AIG1: variants seen among roughly 807,000 people sequenced by gnomAD.
AIG1 encodes the protein androgen-induced gene 1 protein.
In AIG1, 23 loss-of-function variants were observed where a neutral mutation model predicts 31.4. The ratio of observed to expected loss-of-function variants is 0.73; its 90% CI spans 0.53 to 1.04. The LOEUF (loss-of-function observed/expected upper bound fraction) is 1.04, where lower values mean the gene tolerates loss of function less well. Ranked by LOEUF, AIG1 falls within the 50% of genes least tolerant of loss-of-function variation. The pLI is 0.00. For synonymous variants in AIG1, 100 were observed against 110.5 expected (o/e 0.90, Z 0.60); for missense variants, 274 against 295.0 (o/e 0.93, Z 0.52).
At chr6:143,063,099 G>A (rs3804526) in intron 1 of AIG1, among the ~76,000 whole-genome samples, 30,827 of 152,128 alleles carry the variant, frequency 0.2, 3,999 homozygotes, top group East Asian at 0.46. Context: ...ACTGTGCATT[G>A]AAAAACAAGG....
At chr6:143,148,921 G>A (rs574064810) in intron 2 of AIG1, among the ~76,000 whole-genome samples, 47 of 152,164 alleles carry the variant, frequency 3.1e-4, no homozygotes, top group African/African-American at 9.9e-4. Flanking sequence ...TTGTGTTGCC[G>A]TTGCCTGTGG....
intron 3 of AIG1, among the ~76,000 whole-genome samples, chr6:143,215,625 AT>A (rs997751182): frequency 6.6e-6 from 1 of 152,100 alleles, no homozygotes; most frequent in African/African-American, 2.4e-5. Flanking sequence ...GATTTGAGAT[AT>A]TTAGATATGG....
intron 1 of AIG1, among the ~76,000 whole-genome samples, chr6:143,082,412 A>C (rs1253182439): frequency 6.6e-6 from 1 of 152,080 alleles, no homozygotes; most frequent in Non-Finnish European, 1.5e-5. Context: ...GTTATGTTCT[A>C]TTTTTTCTTC....
intron 2 of AIG1, among the ~76,000 whole-genome samples, chr6:143,159,393 A>G (rs1429623056): frequency 2.0e-5 from 3 of 152,254 alleles, no homozygotes; most frequent in African/African-American, 7.2e-5. Context: ...ATCTAGGCAA[A>G]TATGGATAAA....
chr6:143,156,109 GC>G (rs757242169), intron 2 of AIG1, among the ~76,000 whole-genome samples: 6 of 152,158 alleles, frequency 3.9e-5, no homozygotes, highest in Non-Finnish European at 8.8e-5. Context: ...AGATCCTGGA[GC>G]ATCTCTCCTA....
At chr6:143,244,759 A>G (rs1223556084) in intron 3 of AIG1, among the ~76,000 whole-genome samples, 1 of 152,188 alleles carries the variant, frequency 6.6e-6, no homozygotes, top group Non-Finnish European at 1.5e-5. Flanking sequence ...GTGTCTTATC[A>G]GGTGTTTTGT....
At chr6:143,302,380 C>T (rs184364686) in intron 4 of AIG1, among the ~76,000 whole-genome samples, 4 of 151,662 alleles carry the variant, frequency 2.6e-5, no homozygotes, top group Admixed American at 6.6e-5. Context: ...CCACTCCCCC[C>T]GACCCCACAA....
At chr6:143,266,315 C>G (rs1796148819) in intron 3 of AIG1, among the ~76,000 whole-genome samples, 1 of 130,870 alleles carries the variant, frequency 7.6e-6, no homozygotes, top group Non-Finnish European at 1.5e-5. Flanking sequence ...CCATTGCACT[C>G]TGGCCTGGAC....
chr6:143,324,044 G>A (rs536847118), intron 4 of AIG1, among the ~76,000 whole-genome samples: 3 of 152,288 alleles, frequency 2.0e-5, no homozygotes, highest in South Asian at 2.1e-4. Flanking sequence ...GGTACCATGA[G>A]AGGCTCACAG....
rs1440571104 is a variant in AIG1, at chr6:143,268,243, TC to T, written c.400-15866del. ...TGGTTGTGTGATCTACATGTGGAGC[TC>T]AGAGCATGTTTCTTCCTCCAGCCCC... is the stretch of plus-strand genomic sequence containing the variant. On this transcript the variant is annotated intron_variant, in intron 3 of 5. Transcript: ENST00000357847. This position sits in a 1 kb window ranked among gnomAD's most constrained non-coding sequence, Gnocchi z 5.0. Among the ~76,000 whole-genome samples the T allele has an allele frequency of 6.6e-6, 1 of 152,086 alleles. No individual in the cohort carries two copies. Among genetic ancestry groups the T allele is most frequent in the African/African-American group, 2.4e-5 (1 of 41,408 alleles).
At chr6:143,132,557 T>G (rs1783340422) in intron 1 of AIG1, among the ~76,000 whole-genome samples, 2 of 152,122 alleles carry the variant, frequency 1.3e-5, no homozygotes, top group African/African-American at 4.8e-5. Flanking sequence ...TGATACGGTT[T>G]TCTTTGTGTG....
chr6:143,307,470 A>G (rs1179263056), intron 4 of AIG1, among the ~76,000 whole-genome samples: 3 of 152,112 alleles, frequency 2.0e-5, no homozygotes, highest in Non-Finnish European at 2.9e-5. Context: ...TCCACTCCAG[A>G]CCCTGTTTGC....
intron 3 of AIG1, among the ~76,000 whole-genome samples, chr6:143,273,741 T>C (rs1247811862): frequency 6.6e-6 from 1 of 152,004 alleles, no homozygotes; most frequent in East Asian, 1.9e-4. Flanking sequence ...AACCATCAGA[T>C]CTTGTGAGAC....
Position 143,338,018 on chromosome 6 carries a change from A to G in AIG1, c.680-1621A>G. The G allele has an allele frequency of 2.5e-6, 1 of 398,670 alleles. No individual in the cohort carries two copies. Among genetic ancestry groups the G allele is most frequent in the African/African-American group, 2.1e-5 (1 of 48,740 alleles). The allele number at this position is 398,670 out of a possible 1,614,324, so 24.7% of individuals were successfully genotyped here. A position where few individuals can be genotyped will look rare whatever the true frequency, so the allele number is the denominator to read the frequency against. ...AGGTGGGAAGCCATTTTCCCTCTCTAGGTCAATGAATACCCCCCGTTCTCC... is the reference window on the plus strand; with the variant it reads ...AGGTGGGAAGCCATTTTCCCTCTCTGGGTCAATGAATACCCCCCGTTCTCC... On this transcript the variant is annotated intron_variant, in intron 5 of 5. Transcript: ENST00000357847. This position sits in a 1 kb window ranked among gnomAD's most constrained non-coding sequence, Gnocchi z 4.3.
At chr6:143,149,532 C>CAAAAAAAAAAAAAA (rs71767812) in intron 2 of AIG1, among the ~76,000 whole-genome samples, 6 of 39,986 alleles carry the variant, frequency 1.5e-4, no homozygotes, top group African/African-American at 2.7e-4. Context: ...GACTCTGTCT[C>CAAAAAAAAAAAAAA]AAAAAAAAAA....
At chr6:143,232,024 C>G (rs1002651819) in intron 3 of AIG1, among the ~76,000 whole-genome samples, 1 of 152,152 alleles carries the variant, frequency 6.6e-6, no homozygotes, top group Non-Finnish European at 1.5e-5. Flanking sequence ...TCCATTTAAT[C>G]ATAAAGGCAT....
intron 3 of AIG1, among the ~76,000 whole-genome samples, chr6:143,253,866 G>T (rs1041872336): frequency 6.6e-6 from 1 of 151,972 alleles, no homozygotes; most frequent in Non-Finnish European, 1.5e-5. Context: ...TAGTAAAAAC[G>T]CCACCTCCTT....
chr6:143,239,940 G>A (rs1794115900), intron 3 of AIG1, among the ~76,000 whole-genome samples: 2 of 152,164 alleles, frequency 1.3e-5, no homozygotes, highest in South Asian at 2.1e-4. Context: ...ATAGCTCCCT[G>A]TAATTAGATG....
intron 4 of AIG1, among the ~76,000 whole-genome samples, chr6:143,315,972 C>T (rs1007641408): frequency 1.3e-5 from 2 of 151,842 alleles, no homozygotes; most frequent in African/African-American, 4.8e-5. Flanking sequence ...TTTAGGAAAT[C>T]AGATGATAAT....
Sources: gnomAD v4.1 joint callset for allele counts (sites outside exome capture counted in the v4.1 genomes callset) on GRCh38, gnomAD v4.1.1 for gene constraint, Gnocchi (gnomAD v3.1) non-coding constraint, MANE v1.5 for transcripts, NCBI Gene and HGNC (gene_info 2026-07-23, HGNC 2026-07-21) for gene names.